The following LINGO2 variants were observed in gnomAD, a reference collection of about 807,000 sequenced individuals.
LINGO2 encodes the protein leucine-rich repeat and immunoglobulin-like domain-containing nogo receptor-interacting protein 2.
A neutral mutation model predicts 30.6 loss-of-function variants in LINGO2; 14 were observed. The observed-to-expected ratio is 0.46, with a 90% CI of 0.30 to 0.72. The LOEUF (loss-of-function observed/expected upper bound fraction) is 0.72. LINGO2 is among the 30% of genes least tolerant of loss of function. The probability of loss-of-function intolerance (pLI) is 0.07; values close to 1 mark genes in which losing one functional copy is unlikely to be tolerated. For synonymous variants in LINGO2, 317 were observed against 288.5 expected (o/e 1.10, Z -1.00); for missense variants, 729 against 751.7 (o/e 0.97, Z 0.35).
chr9:29,050,226 A>G, the LINGO2 span, among the ~76,000 whole-genome samples: 1 of 152,110 alleles, frequency 6.6e-6, no homozygotes, highest in Non-Finnish European at 1.5e-5. Context: ...GGGTTTCACC[A>G]TGTTGGCCAG....
chr9:28,837,437 G>A, the LINGO2 span, among the ~76,000 whole-genome samples: 1 of 151,324 alleles, frequency 6.6e-6, no homozygotes, highest in Non-Finnish European at 1.5e-5. Context: ...CCTGAGGTCA[G>A]GAGTTTGAGA....
chr9:28,927,080 C>T, the LINGO2 span, among the ~76,000 whole-genome samples: 1 of 152,160 alleles, frequency 6.6e-6, no homozygotes, highest in Non-Finnish European at 1.5e-5. Flanking sequence ...ATTTGTCTTT[C>T]AAACTGGATT....
At chr9:28,851,898 T>A in the LINGO2 span, among the ~76,000 whole-genome samples, 5 of 151,906 alleles carry the variant, frequency 3.3e-5, no homozygotes, top group African/African-American at 1.2e-4. Flanking sequence ...ATATATATAA[T>A]CACATTTGGA....
At chr9:28,232,985 G>T (rs1821412545) in intron 4 of LINGO2, among the ~76,000 whole-genome samples, 1 of 143,336 alleles carries the variant, frequency 7.0e-6, no homozygotes, top group Admixed American at 7.0e-5. Flanking sequence ...ATAATCAAGA[G>T]AATGAATTAA....
chr9:28,226,016 T>C (rs1479611999), intron 4 of LINGO2, among the ~76,000 whole-genome samples: 1 of 152,110 alleles, frequency 6.6e-6, no homozygotes, highest in Non-Finnish European at 1.5e-5. Context: ...TCATGTTGTA[T>C]CTACATAACA....
At chr9:28,041,236 C>G (rs1047089520) in intron 4 of LINGO2, among the ~76,000 whole-genome samples, 1 of 152,144 alleles carries the variant, frequency 6.6e-6, no homozygotes, top group Non-Finnish European at 1.5e-5. Context: ...TGGAAGAGGT[C>G]AGCACAGGTT....
At chr9:28,832,961 T>C in the LINGO2 span, among the ~76,000 whole-genome samples, 6 of 111,496 alleles carry the variant, frequency 5.4e-5, no homozygotes, top group Non-Finnish European at 1.1e-4. Context: ...GTGGCTGACG[T>C]AGTACATTTT....
intron 3 of LINGO2, among the ~76,000 whole-genome samples, chr9:28,306,899 T>A (rs1215060612): frequency 6.6e-6 from 1 of 152,220 alleles, no homozygotes; most frequent in Non-Finnish European, 1.5e-5. Flanking sequence ...AATCTCTGAA[T>A]AGACCAATAA....
intron 1 of LINGO2, among the ~76,000 whole-genome samples, chr9:28,629,300 T>C (rs528071792): frequency 6.6e-6 from 1 of 152,240 alleles, no homozygotes; most frequent in African/African-American, 2.4e-5. Flanking sequence ...GAGAATGTAT[T>C]ATAAACTGTG....
chr9:28,028,873 G>A (rs1189573250), intron 4 of LINGO2, among the ~76,000 whole-genome samples: 4 of 152,024 alleles, frequency 2.6e-5, no homozygotes, highest in Non-Finnish European at 5.9e-5. Flanking sequence ...ACACACACAA[G>A]CACACATTTG....
chr9:28,445,863 A>G (rs1178409688), intron 2 of LINGO2, among the ~76,000 whole-genome samples: 2 of 152,166 alleles, frequency 1.3e-5, no homozygotes, highest in Non-Finnish European at 2.9e-5. Context: ...AGGGGGAAAA[A>G]AACATGATTA....
intron 4 of LINGO2, among the ~76,000 whole-genome samples, chr9:28,087,916 G>C (rs1395792747): frequency 6.6e-6 from 1 of 151,890 alleles, no homozygotes; most frequent in African/African-American, 2.4e-5. Context: ...GAAACTCTTT[G>C]GTTTCAGCAT....
At chr9:28,164,458 G>C (rs944277198) in intron 4 of LINGO2, among the ~76,000 whole-genome samples, 3 of 152,092 alleles carry the variant, frequency 2.0e-5, no homozygotes, top group African/African-American at 7.2e-5. Context: ...CTCCATCTTA[G>C]AGATAAAAAT....
the LINGO2 span, among the ~76,000 whole-genome samples, chr9:29,044,690 T>A: frequency 3.9e-5 from 6 of 152,110 alleles, no homozygotes; most frequent in South Asian, 1.2e-3. Flanking sequence ...TAACCTAAAT[T>A]TTTAAATATA....
the LINGO2 span, among the ~76,000 whole-genome samples, chr9:29,139,202 G>A: frequency 4.6e-5 from 7 of 152,090 alleles, no homozygotes; most frequent in Admixed American, 3.9e-4. Context: ...CAACCAGTGC[G>A]CTTGGAAGCA....
intron 1 of LINGO2, among the ~76,000 whole-genome samples, chr9:28,617,726 C>T (rs922636705): frequency 6.6e-6 from 1 of 151,336 alleles, no homozygotes; most frequent in Admixed American, 6.6e-5. Context: ...TTCATCTTTA[C>T]TTTTTTTTTA....
At chr9:29,133,974 T>C in the LINGO2 span, among the ~76,000 whole-genome samples, 740 of 152,252 alleles carry the variant, frequency 4.9e-3, 12 homozygotes, top group African/African-American at 0.017. Context: ...AAGGGGAAGA[T>C]TTGTTGCCAT....
At chr9:28,510,208 G>T (rs1261856144) in intron 1 of LINGO2, among the ~76,000 whole-genome samples, 2 of 152,108 alleles carry the variant, frequency 1.3e-5, no homozygotes, top group Non-Finnish European at 2.9e-5. Context: ...AACAATGCAA[G>T]GCTTAGGGGT....
At chr9:28,352,579 A>G (rs1819949983) in intron 3 of LINGO2, among the ~76,000 whole-genome samples, 3 of 139,866 alleles carry the variant, frequency 2.1e-5, no homozygotes, top group African/African-American at 5.4e-5. Context: ...ATACTGCCCA[A>G]GGTAATTTAC....
Sources: gnomAD v4.1 joint callset for allele counts (sites outside exome capture counted in the v4.1 genomes callset) on GRCh38, gnomAD v4.1.1 for gene constraint, MANE v1.5 for transcripts, NCBI Gene and HGNC (gene_info 2026-07-23, HGNC 2026-07-21) for gene names.